Variants in RPGRIP1L observed in about 807,000 individuals in gnomAD.
The protein encoded by RPGRIP1L is protein fantom.
A neutral mutation model predicts 160.4 loss-of-function variants in RPGRIP1L; 131 were observed. That is an observed-to-expected ratio of 0.82 (90% CI 0.71 to 0.94). RPGRIP1L has a LOEUF of 0.94. RPGRIP1L is among the 40% of genes least tolerant of loss of function. The pLI, the probability that RPGRIP1L is intolerant of heterozygous loss-of-function variation, is 0.00. For synonymous variants in RPGRIP1L, 510 were observed against 515.8 expected (o/e 0.99, Z 0.15); for missense variants, 1,522 against 1,535.8 (o/e 0.99, Z 0.15).
chr16:53,678,517 G>A (rs1969362526), intron 6 of RPGRIP1L, among the ~76,000 whole-genome samples: 1 of 152,084 alleles, frequency 6.6e-6, no homozygotes, highest in Non-Finnish European at 1.5e-5. Context: ...TCCAGTGAAA[G>A]TTTCATATAC....
Position 53,636,437 on chromosome 16 carries a change from A to T in RPGRIP1L, c.3294+2T>A, listed in dbSNP as rs755842286. ...ATTTCTAGTTGGCATCAAGTTACTG[A>T]CCTGTTTGATATTCTTGGAGATAGG... On this transcript the variant is annotated splice_donor_variant, in intron 22 of 26. Coordinates refer to ENST00000647211, the MANE Select transcript of RPGRIP1L (RefSeq NM_015272.5). LOFTEE classifies it high-confidence loss of function. 6.2e-7 allele frequency: 1 copy of T among 1,602,152 alleles called. No individual in the cohort carries two copies.
At chr16:53,605,454 C>G in intron 26 of RPGRIP1L, 27 bp downstream of exon 26, 2 of 1,613,894 alleles carry the variant, frequency 1.2e-6, no homozygotes, top group Non-Finnish European at 1.7e-6. Flanking sequence ...GTTGGTTGCA[C>G]AAACTGAGCA....
At chr16:53,624,025 G>T (rs1964909917) in intron 22 of RPGRIP1L, among the ~76,000 whole-genome samples, 1 of 152,108 alleles carries the variant, frequency 6.6e-6, no homozygotes, top group African/African-American at 2.4e-5. Context: ...CTGAGTAGCT[G>T]GGACTAGAGG....
chr16:53,612,420 G>C (rs1446489553), intron 24 of RPGRIP1L, among the ~76,000 whole-genome samples: 1 of 151,488 alleles, frequency 6.6e-6, no homozygotes, highest in East Asian at 1.9e-4. Context: ...CAGATCACTG[G>C]AAGATAGACT....
intron 6 of RPGRIP1L, among the ~76,000 whole-genome samples, chr16:53,678,711 T>C (rs146461288): frequency 1.7e-3 from 263 of 152,244 alleles, no homozygotes; most frequent in African/African-American, 6.1e-3. Context: ...TTCGGGGAAG[T>C]AGTTAGGTCA....
At chr16:53,678,285 G>C (rs1244999523) in intron 6 of RPGRIP1L, among the ~76,000 whole-genome samples, 1 of 152,096 alleles carries the variant, frequency 6.6e-6, no homozygotes, top group Non-Finnish European at 1.5e-5. Flanking sequence ...TCAACAACCT[G>C]TGTGCCAAGT....
chr16:53,660,224 G>A (rs923771590), intron 10 of RPGRIP1L, among the ~76,000 whole-genome samples: 23 of 152,230 alleles, frequency 1.5e-4, no homozygotes, highest in African/African-American at 5.1e-4. Flanking sequence ...TTGACTCCCT[G>A]TGGACTAACT....
intron 6 of RPGRIP1L, among the ~76,000 whole-genome samples, chr16:53,675,451 T>C (rs1969080763): frequency 6.6e-6 from 1 of 152,108 alleles, no homozygotes; most frequent in Admixed American, 6.5e-5. Flanking sequence ...AGAAACACAA[T>C]AGTTTTTAGT....
chr16:53,622,462 C>G (rs1051898649), intron 22 of RPGRIP1L, 106 bp from the exon 23 acceptor site: 2 of 514,578 alleles, frequency 3.9e-6, no homozygotes, highest in Non-Finnish European at 6.8e-6. Context: ...CCTCTCCTCT[C>G]CCCCAATCCT....
At chr16:53,662,485 G>A (rs1437663268) in intron 10 of RPGRIP1L, among the ~76,000 whole-genome samples, 4 of 152,064 alleles carry the variant, frequency 2.6e-5, no homozygotes, top group African/African-American at 9.7e-5. Flanking sequence ...CAAGAAGCCA[G>A]GGAAACATCT....
chr16:53,697,363 G>GTCTCCC (rs375984701), intron 2 of RPGRIP1L, among the ~76,000 whole-genome samples: 5 of 135,858 alleles, frequency 3.7e-5, no homozygotes, highest in African/African-American at 1.3e-4. Flanking sequence ...TCTCCCCACG[G>GTCTCCC]TCTCCCTCTC....
chr16:53,664,081 C>T (rs1968036737), intron 10 of RPGRIP1L, among the ~76,000 whole-genome samples: 1 of 152,148 alleles, frequency 6.6e-6, no homozygotes, highest in Non-Finnish European at 1.5e-5. Flanking sequence ...GCACATGACT[C>T]GGTTTATCTA....
intron 26 of RPGRIP1L, among the ~76,000 whole-genome samples, chr16:53,604,176 G>C (rs1237610408): frequency 6.6e-6 from 1 of 152,196 alleles, no homozygotes; most frequent in East Asian, 1.9e-4. Context: ...GAAATGTATA[G>C]TTTATAAAGA....
At chr16:53,665,096 G>T in intron 9 of RPGRIP1L, 87 bp from the exon 10 acceptor site, 2 of 1,452,012 alleles carry the variant, frequency 1.4e-6, no homozygotes, top group Non-Finnish European at 1.9e-6. Context: ...GTGGCGCAGA[G>T]ACCACTGTCA....
chr16:53,645,007 G>T (rs896194394), intron 17 of RPGRIP1L, among the ~76,000 whole-genome samples: 1 of 152,088 alleles, frequency 6.6e-6, no homozygotes, highest in Non-Finnish European at 1.5e-5. Context: ...AACAATAATT[G>T]TTGGGCTCAT....
In RPGRIP1L at chr16:53,622,287, C is replaced by A. The variant is rs1230525806; in HGVS notation, c.3364G>T (p.Gly1122Cys). ...GCTGAGGCAGGAAAATCGCTGGAAC[C>A]CGGGAGGCGGAAGTTGCAGTGAGCT... ...ISAHCNFRLP[G>C]SSDFPASASQ... is the part of the protein sequence containing the mutation. Residue 1122 changes from glycine (G) to cysteine (C), a missense_variant, in exon 23 of 27, where the codon GGT becomes TGT. Transcript: ENST00000647211. 2 of 659,252 alleles carry A rather than the reference C, an allele frequency of 3.0e-6. No homozygotes were observed. The highest frequency in any genetic ancestry group is 1.6e-5 in the South Asian group (1 of 62,812). 40.8% of individuals were successfully genotyped at this position (659,252 alleles called of 1,614,324 possible). A position where few individuals can be genotyped will look rare whatever the true frequency, so the allele number is the denominator to read the frequency against.
chr16:53,669,465 A>C (rs921313194), intron 9 of RPGRIP1L, among the ~76,000 whole-genome samples: 4 of 152,244 alleles, frequency 2.6e-5, no homozygotes, highest in Non-Finnish European at 4.4e-5. Context: ...CATTGAAAAA[A>C]AAAAACCCTT....
rs769036874 is a variant in RPGRIP1L at position 53,692,365 on chromosome 16, C to A, written c.231-1G>T. 1.9e-6 allele frequency: 3 copies of A among 1,613,386 alleles called. No individual in the cohort carries two copies. In the South Asian group the frequency reaches 3.3e-5, roughly 18 times the overall value. On this transcript the variant is annotated splice_acceptor_variant, in intron 3 of 26. Transcript: ENST00000647211. LOFTEE classifies it high-confidence loss of function. Reference sequence around the variant, plus strand: ...TAGCCGTATTAACTTGGTGGCCATTCTGGGGAAATAATAAAAAGATGAAAA... The same window carrying A: ...TAGCCGTATTAACTTGGTGGCCATTATGGGGAAATAATAAAAAGATGAAAA...
chr16:53,679,539 T>G (rs536115094), intron 6 of RPGRIP1L, among the ~76,000 whole-genome samples: 3 of 148,628 alleles, frequency 2.0e-5, no homozygotes, highest in African/African-American at 7.3e-5. Flanking sequence ...TAGCTGGGAC[T>G]ACAGGCATGT....
Sources: allele counts gnomAD v4.1 joint callset (sites outside exome capture counted in the v4.1 genomes callset), GRCh38; gene constraint gnomAD v4.1.1; transcripts MANE v1.5; gene names NCBI Gene and HGNC (gene_info 2026-07-23, HGNC 2026-07-21).